MED12L: variants seen among roughly 807,000 people sequenced by gnomAD.
The protein encoded by MED12L is mediator of RNA polymerase II transcription subunit 12-like protein.
Under a neutral mutation model 281.3 loss-of-function variants are expected in MED12L, and 60 were observed. The ratio of observed to expected loss-of-function variants is 0.21; its 90% CI spans 0.17 to 0.26. The LOEUF (loss-of-function observed/expected upper bound fraction) is 0.26. MED12L is among the 10% of genes least tolerant of loss of function. The probability of loss-of-function intolerance (pLI) is 1.00; values close to 1 mark genes in which losing one functional copy is unlikely to be tolerated. For synonymous variants in MED12L, 974 were observed against 987.2 expected (o/e 0.99, Z 0.25); for missense variants, 2,146 against 2,680.9 (o/e 0.80, Z 4.41).
chr3:151,357,373 A>G lies in MED12L; in HGVS notation c.2822A>G (p.Glu941Gly). ...CCTGATCAGACAGCCCAGGTGTTTG[A>G]AGGGTTGGTATATAGCATGTCATTG... is the stretch of plus-strand genomic sequence containing the variant. ...LNPDQTAQVFEGLCGVVKHVV... is the reference protein window; with the variant it reads ...LNPDQTAQVFGGLCGVVKHVV... The change falls in exon 20 of 45, where the codon GAA becomes GGA. Residue 941 changes from glutamate to glycine, a missense_variant. Physicochemically the swap from Glu to Gly is moderately conservative, Grantham distance 98. Transcript: ENST00000687756. The G allele has an allele frequency of 6.2e-7, 1 of 1,606,426 alleles. No homozygotes were observed. Among genetic ancestry groups the G allele is most frequent in the Non-Finnish European group, 8.5e-7 (1 of 1,176,818 alleles).
At chr3:151,299,185 C>G (rs183439023) in intron 16 of MED12L, among the ~76,000 whole-genome samples, 2 of 152,250 alleles carry the variant, frequency 1.3e-5, no homozygotes, top group Admixed American at 6.5e-5. Context: ...TCATTGTTCA[C>G]TGGGACGTGA....
At chr3:151,110,799 C>A (rs867841074) in intron 2 of MED12L, among the ~76,000 whole-genome samples, 1 of 152,064 alleles carries the variant, frequency 6.6e-6, no homozygotes, top group Non-Finnish European at 1.5e-5. Context: ...TGTGCCCTTA[C>A]AGTGAGAGAA....
intron 41 of MED12L, 102 bp from the exon 42 acceptor site, chr3:151,413,037 C>G: frequency 7.6e-7 from 1 of 1,321,260 alleles, no homozygotes; most frequent in Non-Finnish European, 1.0e-6. Flanking sequence ...GATTATTGAG[C>G]ACTGATTGTT....
At chr3:151,248,495 TTATA>T (rs1292874894) in intron 16 of MED12L, among the ~76,000 whole-genome samples, 1 of 152,170 alleles carries the variant, frequency 6.6e-6, no homozygotes, top group African/African-American at 2.4e-5. Context: ...TGCCCTGAGA[TTATA>T]TATATCATAA....
At chr3:151,267,660 A>G (rs947454341) in intron 16 of MED12L, among the ~76,000 whole-genome samples, 1 of 152,276 alleles carries the variant, frequency 6.6e-6, no homozygotes, top group Middle Eastern at 3.4e-3. Flanking sequence ...CTTGAGAGTA[A>G]TATCTTGTAA....
At chr3:151,324,557 T>C (rs1229205565) in intron 16 of MED12L, among the ~76,000 whole-genome samples, 1 of 152,230 alleles carries the variant, frequency 6.6e-6, no homozygotes, top group African/African-American at 2.4e-5. Context: ...GCCCCATTCC[T>C]GCAGATGGCA....
In MED12L at chr3:151,158,811, G is replaced by A. The variant is rs114962620; in HGVS notation, c.837+12G>A. ...CACTAATGCTGCAGGTATAGTACAT[G>A]TCCCCTTGAGGCAGTTGGTTTTATG... On this transcript the variant is annotated intron_variant, in intron 7 of 44. Transcript: ENST00000687756. 3.4e-3 allele frequency: 5,356 copies of A among 1,560,272 alleles called. 185 individuals carry two copies. The African/African-American group carries it at 0.066, about 19-fold the overall frequency.
intron 5 of MED12L, among the ~76,000 whole-genome samples, chr3:151,152,146 C>T (rs909221565): frequency 1.7e-5 from 2 of 115,906 alleles, no homozygotes; most frequent in African/African-American, 6.7e-5. Context: ...GTTGCCCAGG[C>T]TGGAGTGCAG....
chr3:151,297,893 C>T (rs949934830), intron 16 of MED12L, among the ~76,000 whole-genome samples: 1 of 151,990 alleles, frequency 6.6e-6, no homozygotes, highest in Non-Finnish European at 1.5e-5. Context: ...TATTATTACT[C>T]TCCTGGTTAT....
intron 17 of MED12L, among the ~76,000 whole-genome samples, chr3:151,353,971 C>A (rs1287192061): frequency 6.7e-6 from 1 of 149,226 alleles, no homozygotes; most frequent in African/African-American, 2.5e-5. Flanking sequence ...GAAACCCCGT[C>A]TCTACTAAAA....
At chr3:151,273,402 ATT>A (rs531443713) in intron 16 of MED12L, among the ~76,000 whole-genome samples, 5 of 113,618 alleles carry the variant, frequency 4.4e-5, no homozygotes, top group Non-Finnish European at 3.5e-5. Flanking sequence ...TAATTTTTGT[ATT>A]TTTTTTTTTT....
In MED12L at chr3:151,360,587, A is replaced by G; in HGVS notation, c.2939A>G (p.Lys980Arg). The G allele has an allele frequency of 2.5e-6, 4 of 1,612,390 alleles. No individual in the cohort carries two copies. In the Admixed American group the frequency reaches 5.0e-5, roughly 20 times the overall value. ...GTGTCATGTAGCCACCTCAGAAGTA[A>G]ATTTGGAGACCTCTTCAGGTGAGTA... The part of the protein sequence containing the change: ...LYVSCSHLRS[K>R]FGDLFSSACS... Residue 980 changes from lysine (K) to arginine (R), a missense_variant, in exon 21 of 45, where the codon AAA becomes AGA. This residue lies in a region of MED12L where 404 missense variants were observed against 603.5 expected (regional missense o/e 0.67). Coordinates refer to ENST00000687756, the MANE Select transcript of MED12L (RefSeq NM_001393769.1).
chr3:151,294,569 T>A, intron 16 of MED12L: 1 of 1,614,178 alleles, frequency 6.2e-7, no homozygotes, highest in Non-Finnish European at 8.5e-7. Flanking sequence ...TATGGCTATG[T>A]AACATCCGAT....
Position 151,436,516 on chromosome 3 carries a change from A to G in MED12L, c.*3712A>G, listed in dbSNP as rs1165614459. 16 of 507,936 alleles carry G rather than the reference A, an allele frequency of 3.1e-5. No homozygotes were observed. Among genetic ancestry groups the G allele is most frequent in the Non-Finnish European group, 4.4e-5 (13 of 294,344 alleles). The allele number at this position is 507,936 out of a possible 1,614,324, so 31.5% of individuals were successfully genotyped here. On this transcript the variant is annotated 3_prime_UTR_variant, in exon 45 of 45. Coordinates refer to ENST00000687756, the MANE Select transcript of MED12L (RefSeq NM_001393769.1). ...TGTTTTGAGATCCATTAAATAAATC[A>G]GTATCATCAGTTCATAATGCATTTA...
chr3:151,383,376 T>G (rs959412234), intron 33 of MED12L, among the ~76,000 whole-genome samples: 1 of 152,218 alleles, frequency 6.6e-6, no homozygotes, highest in Non-Finnish European at 1.5e-5. Context: ...GGTATTATGA[T>G]AGCAGGCTTA....
chr3:151,171,875 CTA>C (rs1325361580), intron 11 of MED12L, among the ~76,000 whole-genome samples: 2 of 152,164 alleles, frequency 1.3e-5, no homozygotes, highest in African/African-American at 4.8e-5. Context: ...TCCCTGGGGT[CTA>C]TGTTTCTTCT....
intron 16 of MED12L, among the ~76,000 whole-genome samples, chr3:151,334,507 A>ATTTG (rs1750742450): frequency 6.8e-6 from 1 of 147,826 alleles, no homozygotes; most frequent in South Asian, 2.2e-4. Flanking sequence ...TTTAATTTTT[A>ATTTG]TTTGTTTATT....
At chr3:151,310,645 C>T (rs1272364747) in intron 16 of MED12L, among the ~76,000 whole-genome samples, 1 of 152,202 alleles carries the variant, frequency 6.6e-6, no homozygotes, top group African/African-American at 2.4e-5. Context: ...GGGATGAATG[C>T]ATTTGGTGAA....
chr3:151,285,570 A>G (rs922264773), intron 16 of MED12L, among the ~76,000 whole-genome samples: 2 of 152,020 alleles, frequency 1.3e-5, no homozygotes, highest in Non-Finnish European at 2.9e-5. Flanking sequence ...ATGACTACAC[A>G]TTGGGTACAT....
Sources: gnomAD v4.1 joint callset for allele counts (sites outside exome capture counted in the v4.1 genomes callset) on GRCh38, gnomAD v4.1.1 for gene constraint, gnomAD v4.1.1 regional missense constraint, MANE v1.5 for transcripts, NCBI Gene and HGNC (gene_info 2026-07-23, HGNC 2026-07-21) for gene names.